The following PDLIM5 variants were observed in gnomAD, a reference collection of about 807,000 sequenced individuals.
PDLIM5 encodes the protein PDZ and LIM domain protein 5.
In PDLIM5, 34 loss-of-function variants were observed where a neutral mutation model predicts 64.2. The ratio of observed to expected loss-of-function variants is 0.53; its 90% CI spans 0.40 to 0.71. The LOEUF is 0.71. Ranked by LOEUF, PDLIM5 falls within the 30% of genes least tolerant of loss-of-function variation. PDLIM5 has a pLI of 0.00. For missense variants in PDLIM5, 683 were observed against 733.6 expected, an observed-to-expected ratio of 0.93 and a Z score of 0.80; for synonymous variants, 253 against 269.1, an observed-to-expected ratio of 0.94 and a Z score of 0.59.
At chr4:94,612,168 A>G (rs573571392) in intron 7 of PDLIM5, among the ~76,000 whole-genome samples, 2 of 152,312 alleles carry the variant, frequency 1.3e-5, no homozygotes, top group African/African-American at 4.8e-5. Flanking sequence ...CAGTGAGCCG[A>G]AATTGCGCCA....
intron 7 of PDLIM5, among the ~76,000 whole-genome samples, chr4:94,614,058 G>A (rs1023231027): frequency 6.6e-6 from 1 of 151,156 alleles, no homozygotes; most frequent in Non-Finnish European, 1.5e-5. Context: ...CGCCTCGCGG[G>A]TTCAAGTGAT....
chr4:94,603,185 G>A (rs1043867437), intron 7 of PDLIM5, among the ~76,000 whole-genome samples: 24 of 152,082 alleles, frequency 1.6e-4, no homozygotes, highest in African/African-American at 5.8e-4. Context: ...AGCACTTTGG[G>A]TATTATCCTA....
chr4:94,575,449 C>T (rs1735162620), intron 4 of PDLIM5, among the ~76,000 whole-genome samples, 167 bp from the exon 5 acceptor site: 1 of 152,090 alleles, frequency 6.6e-6, no homozygotes. Flanking sequence ...AGTTAGCATG[C>T]ACGTTATGCT....
At chr4:94,547,017 C>T (rs1299132957) in intron 3 of PDLIM5, among the ~76,000 whole-genome samples, 1 of 151,842 alleles carries the variant, frequency 6.6e-6, no homozygotes, top group East Asian at 1.9e-4. Context: ...TTCAGTTATC[C>T]CAGAAACCCC....
intron 7 of PDLIM5, among the ~76,000 whole-genome samples, chr4:94,612,897 AT>A (rs1204315387): frequency 8.6e-5 from 13 of 150,912 alleles, no homozygotes; most frequent in South Asian, 4.2e-4. Context: ...GTTTTTATTT[AT>A]TTTTTTCCAT....
At chr4:94,603,732 A>C (rs886376719) in intron 7 of PDLIM5, among the ~76,000 whole-genome samples, 2 of 152,070 alleles carry the variant, frequency 1.3e-5, no homozygotes, top group Non-Finnish European at 1.5e-5. Context: ...TCCTTGGTAT[A>C]TTCCCAGCCA....
intron 2 of PDLIM5, chr4:94,456,067 A>G: frequency 8.8e-7 from 1 of 1,131,302 alleles, no homozygotes; most frequent in Non-Finnish European, 1.2e-6. Context: ...ACTTGACTAT[A>G]TGTCAGGTAC....
At chr4:94,569,332 C>CGTTTGTTTGTTT (rs57176960) in intron 3 of PDLIM5, among the ~76,000 whole-genome samples, 1,772 of 151,516 alleles carry the variant, frequency 0.012, 31 homozygotes, top group African/African-American at 0.039. Context: ...TTTGTTTGTT[C>CGTTTGTTTGTTT]GTTTGTTTGT....
chr4:94,486,488 T>C (rs1016563125), intron 2 of PDLIM5, among the ~76,000 whole-genome samples: 1 of 152,188 alleles, frequency 6.6e-6, no homozygotes, highest in African/African-American at 2.4e-5. Context: ...TCATCCCCTT[T>C]TTTCTTACTA....
chr4:94,499,034 G>A (rs751317972), intron 2 of PDLIM5, among the ~76,000 whole-genome samples: 2 of 152,088 alleles, frequency 1.3e-5, no homozygotes, highest in Admixed American at 6.5e-5. Flanking sequence ...GGGTATTGTG[G>A]TCTACTTTAG....
intron 7 of PDLIM5, chr4:94,587,737 A>C: frequency 1.0e-6 from 1 of 984,078 alleles, no homozygotes; most frequent in Non-Finnish European, 1.2e-6. Context: ...GGAGAAATAC[A>C]GTATTCTTTG....
At chr4:94,574,745 A>G (rs1290895596) in intron 4 of PDLIM5, among the ~76,000 whole-genome samples, 1 of 152,106 alleles carries the variant, frequency 6.6e-6, no homozygotes, top group Non-Finnish European at 1.5e-5. Flanking sequence ...GCTTTGGAAT[A>G]AGGATTGGCA....
chr4:94,587,131 T>C (rs201186480), intron 7 of PDLIM5: 1 of 987,976 alleles, frequency 1.0e-6, no homozygotes, highest in Non-Finnish European at 1.3e-6. Flanking sequence ...TTTCATTTAC[T>C]TTTTTTTTTT....
At chr4:94,505,557 T>C (rs1197345228) in intron 2 of PDLIM5, among the ~76,000 whole-genome samples, 1 of 152,166 alleles carries the variant, frequency 6.6e-6, no homozygotes, top group East Asian at 1.9e-4. Flanking sequence ...CCACCACGCA[T>C]GGCTGGAAGT....
At chr4:94,567,246 G>A (rs1734423811) in intron 3 of PDLIM5, among the ~76,000 whole-genome samples, 1 of 152,126 alleles carries the variant, frequency 6.6e-6, no homozygotes, top group African/African-American at 2.4e-5. Context: ...GCCCACCTTG[G>A]CCTCCCAACT....
At chr4:94,515,912 G>T (rs1430613465) in intron 2 of PDLIM5, among the ~76,000 whole-genome samples, 1 of 152,178 alleles carries the variant, frequency 6.6e-6, no homozygotes, top group African/African-American at 2.4e-5. Flanking sequence ...TCAGATGTTT[G>T]TGGATGTGTT....
intron 3 of PDLIM5, among the ~76,000 whole-genome samples, chr4:94,553,632 G>A (rs942068831): frequency 2.0e-5 from 3 of 152,134 alleles, no homozygotes; most frequent in Non-Finnish European, 4.4e-5. Context: ...AGCACTTGTG[G>A]TTATTGTGGG....
chr4:94,474,451 A>G (rs952029410), intron 2 of PDLIM5, among the ~76,000 whole-genome samples: 41 of 151,920 alleles, frequency 2.7e-4, no homozygotes, highest in African/African-American at 9.2e-4. Context: ...GGGTTTCACC[A>G]TATTGGCCAG....
chr4:94,663,916 C>G, intron 12 of PDLIM5, 62 bp from the exon 13 acceptor site: 1 of 1,522,414 alleles, frequency 6.6e-7, no homozygotes, highest in Non-Finnish European at 8.9e-7. Context: ...CTCCAGCATA[C>G]TGGGTAAAAT....
Sources: gnomAD v4.1 joint callset for allele counts (sites outside exome capture counted in the v4.1 genomes callset) on GRCh38, gnomAD v4.1.1 for gene constraint, MANE v1.5 for transcripts, NCBI Gene and HGNC (gene_info 2026-07-23, HGNC 2026-07-21) for gene names.